The following TNS1 variants were observed in gnomAD, a reference collection of about 807,000 sequenced individuals.
TNS1 encodes tensin-1.
Under a neutral mutation model 168.6 loss-of-function variants are expected in TNS1, and 62 were observed. The observed-to-expected ratio is 0.37, with a 90% CI of 0.30 to 0.45. TNS1 has a LOEUF of 0.45. Ranked by LOEUF, TNS1 falls within the 20% of genes least tolerant of loss-of-function variation. The pLI is 1.00. For synonymous variants in TNS1, 934 were observed against 933.2 expected (o/e 1.00, Z -0.02); for missense variants, 2,240 against 2,339.4 (o/e 0.96, Z 0.88).
chr2:217,831,381 C>T (rs539472743), intron 22 of TNS1, 74 bp downstream of exon 22: 46 of 1,344,956 alleles, frequency 3.4e-5, no homozygotes, highest in Non-Finnish European at 4.2e-5. Context: ...TTCTGAGACC[C>T]GGGTTTCTGT....
chr2:217,917,921 C>T (rs190624456), intron 4 of TNS1, among the ~76,000 whole-genome samples: 1 of 150,618 alleles, frequency 6.6e-6, no homozygotes, highest in Non-Finnish European at 1.5e-5. Context: ...ATAGTAAGTG[C>T]AAAGGCCTGG....
At chr2:217,830,424 C>A in intron 22 of TNS1, 1 of 1,611,158 alleles carries the variant, frequency 6.2e-7, no homozygotes, top group South Asian at 1.1e-5. Flanking sequence ...CCCAATAGCC[C>A]CCACCCAGCC....
chr2:217,965,999 G>A (rs113178924), intron 3 of TNS1, among the ~76,000 whole-genome samples: 2,292 of 151,798 alleles, frequency 0.015, 64 homozygotes, highest in African/African-American at 0.053. Flanking sequence ...AGGACCCCAG[G>A]ACTTTCCTCT....
At position 217,948,873 on chromosome 2, in the gene TNS1, C is replaced by T. The variant is rs1443807333; in HGVS notation, c.187-28637G>A. 6.6e-6 allele frequency among the ~76,000 whole-genome samples: 1 copy of T among 152,058 alleles called. No homozygotes were observed. The highest frequency in any genetic ancestry group is 1.9e-4 in the East Asian group (1 of 5,196). Reference sequence around the variant, plus strand: ...GCAGAAATGTGCACAGCGCCAGGCCCTTTGCTGCACATCCCCACCTCGGGA... The same window carrying T: ...GCAGAAATGTGCACAGCGCCAGGCCTTTTGCTGCACATCCCCACCTCGGGA... On this transcript the variant is annotated intron_variant, in intron 3 of 32. Transcript: ENST00000682258. The surrounding 1 kb of genome is among the most constrained non-coding windows in gnomAD (Gnocchi z 4.1).
At chr2:217,856,763 T>G (rs1480306895) in intron 18 of TNS1, among the ~76,000 whole-genome samples, 2 of 152,186 alleles carry the variant, frequency 1.3e-5, no homozygotes, top group Non-Finnish European at 2.9e-5. Flanking sequence ...TGGAACCCTG[T>G]GGGCAGGGAC....
Position 218,032,804 on chromosome 2 carries a change from A to T in TNS1, c.156+1016T>A, listed in dbSNP as rs192181225. On this transcript the variant is annotated intron_variant, in intron 1 of 1. Transcript: ENST00000649572. This position sits in a 1 kb window ranked among gnomAD's most constrained non-coding sequence, Gnocchi z 4.0. ...GGAGCTTGATCCCCACAGACAGAGG[A>T]GGGAGGGAGTCACAGGCGAGCTCCA... Among the ~76,000 whole-genome samples, 1 of 152,236 alleles carries T rather than the reference A, an allele frequency of 6.6e-6. No homozygotes were observed. Among genetic ancestry groups the T allele is most frequent in the Admixed American group, 6.5e-5 (1 of 15,302 alleles).
chr2:217,829,808 C>A, intron 22 of TNS1: 1 of 1,613,786 alleles, frequency 6.2e-7, no homozygotes, highest in Non-Finnish European at 8.5e-7. Flanking sequence ...CATTTCCAGA[C>A]CCAGAGAGCA....
upstream of TNS1, among the ~76,000 whole-genome samples, chr2:218,011,769 G>C (rs990984880): frequency 6.6e-6 from 1 of 152,132 alleles, no homozygotes; most frequent in African/African-American, 2.4e-5. Context: ...GTGGGGTCCA[G>C]CATTTGGAGG....
intron 3 of TNS1, among the ~76,000 whole-genome samples, chr2:217,946,143 T>C (rs1210222461): frequency 6.6e-6 from 1 of 152,170 alleles, no homozygotes; most frequent in Non-Finnish European, 1.5e-5. Context: ...CGGTCAGGCC[T>C]TTCTCGTACA....
chr2:217,888,504 T>C (rs987876510), intron 12 of TNS1, among the ~76,000 whole-genome samples: 13 of 152,174 alleles, frequency 8.5e-5, no homozygotes, highest in African/African-American at 1.9e-4. Context: ...CGAGATGATA[T>C]GGTTTGGCTG....
intron 30 of TNS1, among the ~76,000 whole-genome samples, chr2:217,808,968 CT>C (rs1939810381): frequency 6.6e-6 from 1 of 152,218 alleles, no homozygotes; most frequent in South Asian, 2.1e-4. Context: ...GCCAGGGACA[CT>C]GTTAGGAGAG....
At chr2:218,026,306 T>C (rs948984414) in intron 1 of TNS1, among the ~76,000 whole-genome samples, 8 of 152,072 alleles carry the variant, frequency 5.3e-5, no homozygotes, top group Non-Finnish European at 7.4e-5. Flanking sequence ...CCTTACACTA[T>C]AACACAGATG....
At chr2:217,991,332 C>CT (rs1378312113) in intron 1 of TNS1, among the ~76,000 whole-genome samples, 2 of 152,018 alleles carry the variant, frequency 1.3e-5, no homozygotes, top group Non-Finnish European at 2.9e-5. Flanking sequence ...CCTACCTTGG[C>CT]TTTTTTTCAT....
At chr2:217,920,119 C>G in intron 4 of TNS1, 76 bp downstream of exon 4, 1 of 702,728 alleles carries the variant, frequency 1.4e-6, no homozygotes, top group Admixed American at 2.0e-5. Flanking sequence ...ATATTTGGGT[C>G]TAAAGAAAGC....
upstream of TNS1, chr2:218,003,053 C>A (rs571463950): frequency 1.5e-5 from 6 of 405,854 alleles, no homozygotes; most frequent in Admixed American, 7.7e-5. Context: ...CTCCTCCCCC[C>A]ACTCCACCCC....
intron 3 of TNS1, among the ~76,000 whole-genome samples, chr2:217,974,834 G>A (rs778758849): frequency 6.6e-6 from 1 of 152,078 alleles, no homozygotes; most frequent in Non-Finnish European, 1.5e-5. Context: ...CGGCCTCCTA[G>A]CTGCCAGGTC....
chr2:217,937,305 C>T (rs1224000351), intron 3 of TNS1: 5 of 311,186 alleles, frequency 1.6e-5, no homozygotes, highest in Admixed American at 4.2e-5. Flanking sequence ...CCAGCGGCCC[C>T]GTGTGCCCAG....
intron 3 of TNS1, among the ~76,000 whole-genome samples, chr2:217,953,523 G>A (rs1957290026): frequency 6.6e-6 from 1 of 152,186 alleles, no homozygotes; most frequent in Non-Finnish European, 1.5e-5. Context: ...CCAAGTACTT[G>A]GTGGTGGTTG....
chr2:217,866,925 A>G (rs1949332225), intron 18 of TNS1, among the ~76,000 whole-genome samples: 1 of 152,218 alleles, frequency 6.6e-6, no homozygotes. Flanking sequence ...ATGGGGCAGC[A>G]GGGCAGGGCT....
Sources: gnomAD v4.1 joint callset for allele counts (sites outside exome capture counted in the v4.1 genomes callset) on GRCh38, gnomAD v4.1.1 for gene constraint, Gnocchi (gnomAD v3.1) non-coding constraint, MANE v1.5 for transcripts, NCBI Gene and HGNC (gene_info 2026-07-23, HGNC 2026-07-21) for gene names.